RPS6KA6: variants seen among roughly 807,000 people sequenced by gnomAD.
RPS6KA6 encodes ribosomal protein S6 kinase A6.
Under a neutral mutation model 65.4 loss-of-function variants are expected in RPS6KA6, and 27 were observed. The observed-to-expected ratio is 0.41, with a 90% CI of 0.30 to 0.57. RPS6KA6 has a LOEUF of 0.57. RPS6KA6 is among the 20% of genes least tolerant of loss of function. RPS6KA6 has a pLI of 0.24. For missense variants in RPS6KA6, 486 were observed against 555.6 expected (o/e 0.87, Z 1.26); for synonymous variants, 190 against 184.2 (o/e 1.03, Z -0.26).
chrX:84,157,722 T>C (rs1033181841), intron 2 of RPS6KA6, among the ~76,000 whole-genome samples: 2 of 110,914 alleles, frequency 1.8e-5, no homozygotes, highest in Non-Finnish European at 3.8e-5. Flanking sequence ...GTACTTCAGG[T>C]CCCTGCTTAT....
chrX:84,079,548 C>G (rs2033741845), intron 20 of RPS6KA6, among the ~76,000 whole-genome samples: 1 of 111,382 alleles, frequency 9.0e-6, no homozygotes, highest in Admixed American at 9.5e-5. Context: ...CCCACCCCCA[C>G]AGAGCCCAGC....
chrX:84,156,189 A>G lies in RPS6KA6; in HGVS notation c.144T>C (p.Asp48=). The G allele has an allele frequency of 9.7e-7, 1 of 1,029,081 alleles. No individual in the cohort carries two copies. The highest frequency in any genetic ancestry group is 1.4e-6 in the Non-Finnish European group (1 of 734,132). 84.8% of individuals were successfully genotyped at this position (1,029,081 alleles called of 1,213,427 possible). ...MEEGEADSCH[D]EGVVKEIPIT... ...TAGGGATTTCTTTAACAACTCCTTC[A>G]TCCTGTAAAAAGAAATCCAAACAAT... is the stretch of plus-strand genomic sequence containing the variant. Residue 48 remains aspartate, a splice_region_variant and synonymous_variant, in exon 3 of 22, where the codon GAT becomes GAC. Transcript: ENST00000262752.
At chrX:84,170,194 T>C (rs1253707027) in intron 1 of RPS6KA6, among the ~76,000 whole-genome samples, 1 of 105,478 alleles carries the variant, frequency 9.5e-6, no homozygotes, top group Non-Finnish European at 1.9e-5. Context: ...AAAGAAAATA[T>C]GTCTCTCAAA....
chrX:84,127,725 A>G (rs1382475589), intron 8 of RPS6KA6, among the ~76,000 whole-genome samples: 1 of 110,664 alleles, frequency 9.0e-6, no homozygotes, highest in Non-Finnish European at 1.9e-5. Context: ...CCACATGATG[A>G]TTTCAACTGA....
chrX:84,094,358 G>A (rs2034108671), intron 20 of RPS6KA6, among the ~76,000 whole-genome samples: 1 of 108,013 alleles, frequency 9.3e-6, no homozygotes, highest in African/African-American at 3.4e-5. Flanking sequence ...TTTTGCAAGT[G>A]GAGGCCTGGT....
intron 20 of RPS6KA6, among the ~76,000 whole-genome samples, chrX:84,087,739 C>A (rs931787655): frequency 3.6e-5 from 4 of 111,654 alleles, no homozygotes; most frequent in Non-Finnish European, 7.5e-5. Flanking sequence ...TGGATAATAT[C>A]CTGAAGTGTG....
intron 9 of RPS6KA6, among the ~76,000 whole-genome samples, chrX:84,119,475 T>G: frequency 9.0e-6 from 1 of 111,624 alleles, no homozygotes; most frequent in East Asian, 2.8e-4. Flanking sequence ...ATGATTCCTC[T>G]GCTCAACAGG....
chrX:84,126,292 T>C (rs774962620), intron 8 of RPS6KA6, among the ~76,000 whole-genome samples: 8 of 111,168 alleles, frequency 7.2e-5, no homozygotes, highest in Non-Finnish European at 1.5e-4. Flanking sequence ...TGCAAGAAGA[T>C]AGAAAAATTA....
chrX:84,170,261 A>G (rs923890085), intron 1 of RPS6KA6, among the ~76,000 whole-genome samples: 9 of 110,308 alleles, frequency 8.2e-5, no homozygotes, highest in African/African-American at 3.0e-4. Flanking sequence ...GACTTCTTCT[A>G]TTCAATTTTT....
chrX:84,129,343 A>C (rs2147499667), intron 8 of RPS6KA6, among the ~76,000 whole-genome samples: 1 of 111,433 alleles, frequency 9.0e-6, no homozygotes. Context: ...TCAGGCAATA[A>C]AAAAATGCTG....
intron 20 of RPS6KA6, among the ~76,000 whole-genome samples, chrX:84,069,001 T>G (rs2033468850): frequency 8.9e-6 from 1 of 112,117 alleles, no homozygotes; most frequent in Non-Finnish European, 1.9e-5. Flanking sequence ...AAGTAATTTA[T>G]AGATTCAATG....
At chrX:84,128,769 G>T (rs192137000) in intron 8 of RPS6KA6, among the ~76,000 whole-genome samples, 18 of 112,008 alleles carry the variant, frequency 1.6e-4, no homozygotes, top group African/African-American at 4.5e-4. Flanking sequence ...AATAAATGGT[G>T]CTAGGAAAAC....
chrX:84,147,982 G>A, intron 4 of RPS6KA6, 60 bp downstream of exon 4: 1 of 685,244 alleles, frequency 1.5e-6, no homozygotes, highest in Admixed American at 3.1e-5. Flanking sequence ...GTAATACACA[G>A]CATATTTCTT....
At chrX:84,123,882 C>T (rs893777603) in intron 8 of RPS6KA6, among the ~76,000 whole-genome samples, 4 of 110,985 alleles carry the variant, frequency 3.6e-5, no homozygotes, top group South Asian at 7.6e-4. Flanking sequence ...GAGCCAAGGT[C>T]GAGACCCAGT....
chrX:84,079,958 G>A (rs1269090844), intron 20 of RPS6KA6, among the ~76,000 whole-genome samples: 3 of 111,962 alleles, frequency 2.7e-5, no homozygotes, highest in Non-Finnish European at 5.6e-5. Context: ...ATCTCCCAGC[G>A]CAGCGCTCGA....
rs373911895 is a variant in RPS6KA6, at chrX:84,065,068, T to C, written c.2015A>G (p.Tyr672Cys). 1.2e-5 allele frequency: 14 copies of C among 1,202,336 alleles called. No homozygotes were observed. Among genetic ancestry groups the C allele is most frequent in the Non-Finnish European group, 1.5e-5 (13 of 890,080 alleles). Residue 672 changes from tyrosine (Y) to cysteine (C), a missense_variant, in exon 21 of 22, where the codon TAT becomes TGT. Around this residue, in one of 3 missense-constraint regions of RPS6KA6, gnomAD observed 345 missense variants for 375.0 expected, o/e 0.92. Transcript: ENST00000262752. ...GTGCTTTAATATTTGTTCAGCAGTATACCGCTGATGTGGGTCCATATGAAG... is the reference window on the plus strand; with the variant it reads ...GTGCTTTAATATTTGTTCAGCAGTACACCGCTGATGTGGGTCCATATGAAG... ...HMLHMDPHQRYTAEQILKHSW... is the reference protein window; with the variant it reads ...HMLHMDPHQRCTAEQILKHSW...
chrX:84,173,251 A>G (rs1445759147), intron 1 of RPS6KA6, among the ~76,000 whole-genome samples: 1 of 111,367 alleles, frequency 9.0e-6, no homozygotes, highest in African/African-American at 3.3e-5. Flanking sequence ...GCTGTGTTTC[A>G]TTCATTAGGC....
chrX:84,172,041 A>G (rs937711569), intron 1 of RPS6KA6, among the ~76,000 whole-genome samples: 1 of 111,901 alleles, frequency 8.9e-6, no homozygotes, highest in African/African-American at 3.3e-5. Flanking sequence ...ATAGTATTCC[A>G]TGATGTGTAT....
At chrX:84,077,487 C>T (rs2033686556) in intron 20 of RPS6KA6, among the ~76,000 whole-genome samples, 2 of 111,377 alleles carry the variant, frequency 1.8e-5, no homozygotes, top group Admixed American at 1.9e-4. Flanking sequence ...GATATAAATA[C>T]AAATGCAATT....
Sources: allele counts gnomAD v4.1 joint callset (sites outside exome capture counted in the v4.1 genomes callset), GRCh38; gene constraint gnomAD v4.1.1; regional missense constraint gnomAD v4.1.1; transcripts MANE v1.5; gene names NCBI Gene and HGNC (gene_info 2026-07-23, HGNC 2026-07-21).